SYT16: variants seen among roughly 807,000 people sequenced by gnomAD.
SYT16 encodes the protein synaptotagmin 16, also known as synaptotagmin-16.
Under a neutral mutation model 61.4 loss-of-function variants are expected in SYT16, and 42 were observed. The ratio of observed to expected loss-of-function variants is 0.68; its 90% CI spans 0.53 to 0.89. The LOEUF is 0.89. Ranked by LOEUF, SYT16 falls within the 40% of genes least tolerant of loss-of-function variation. SYT16 has a pLI of 0.00. For synonymous variants in SYT16, 314 were observed against 302.3 expected (o/e 1.04, Z -0.40); for missense variants, 804 against 807.3 (o/e 1.00, Z 0.05).
At chr14:61,915,722 T>C (rs113377892) in intron 1 of SYT16, among the ~76,000 whole-genome samples, 4 of 152,340 alleles carry the variant, frequency 2.6e-5, no homozygotes, top group African/African-American at 9.6e-5. Flanking sequence ...ATTGCTCCTG[T>C]GTGTTGGCGT....
Position 62,112,273 on chromosome 14 carries a change from A to G in SYT16, c.*11566A>G, listed in dbSNP as rs2057622021. The G allele has an allele frequency of 2.0e-5, 3 of 152,168 alleles. No individual in the cohort carries two copies. The highest frequency in any genetic ancestry group is 2.1e-4 in the South Asian group (1 of 4,826). The allele number at this position is 152,168 out of a possible 1,614,324, so 9.4% of individuals were successfully genotyped here. On this transcript the variant is annotated 3_prime_UTR_variant, in exon 8 of 8. Coordinates refer to ENST00000683842, the MANE Select transcript of SYT16 (RefSeq NM_001367656.1). ...AGAATTATACTGTTTTTCTTGTGCA[A>G]ATAATACTTAAGGCAGATGTTCAGT...
intron 5 of SYT16, among the ~76,000 whole-genome samples, chr14:62,078,548 C>A (rs1395960033): frequency 6.6e-6 from 1 of 152,164 alleles, no homozygotes; most frequent in Non-Finnish European, 1.5e-5. Context: ...TTGTTCCCTG[C>A]TTTGGGAGTG....
chr14:61,934,040 T>C (rs1203626076), intron 1 of SYT16, among the ~76,000 whole-genome samples: 7 of 152,194 alleles, frequency 4.6e-5, no homozygotes, highest in African/African-American at 1.7e-4. Flanking sequence ...TACATTCATG[T>C]ATTACTATTG....
At position 62,081,025 on chromosome 14, in the gene SYT16, G is replaced by T; in HGVS notation, c.1185G>T (p.Leu395=). 1 of 1,613,466 alleles carries T rather than the reference G, an allele frequency of 6.2e-7. No homozygotes were observed. The highest frequency in any genetic ancestry group is 8.5e-7 in the Non-Finnish European group (1 of 1,179,664). ...CCTGGCAAGTTCATGTAGTGCTGCT[G>T]CCTGGTAAGAAACACAGGGGCAGGA... The part of the protein sequence containing the change: ...VNSWQVHVVL[L]PGKKHRGRTN... Residue 395 remains leucine (L), a synonymous_variant, in exon 6 of 8, where the codon CTG becomes CTT. Coordinates refer to ENST00000683842, the MANE Select transcript of SYT16 (RefSeq NM_001367656.1).
At chr14:62,029,651 A>G (rs945366018) in intron 3 of SYT16, among the ~76,000 whole-genome samples, 2 of 152,176 alleles carry the variant, frequency 1.3e-5, no homozygotes, top group East Asian at 1.9e-4. Context: ...TTGATAAACT[A>G]TGCCCTAAAT....
rs561914206 is a variant in SYT16, at chr14:61,889,984, G to A, written c.-325+77174G>A. ...ATACAAGTTTTGATCAAAGGAGGCAGTCTTTGTCACAGCCACTGGGGACAT... is the reference window on the plus strand; with the variant it reads ...ATACAAGTTTTGATCAAAGGAGGCAATCTTTGTCACAGCCACTGGGGACAT... On this transcript the variant is annotated intron_variant, in intron 1 of 7. Coordinates refer to ENST00000683842, the MANE Select transcript of SYT16 (RefSeq NM_001367656.1). Among the ~76,000 whole-genome samples, 5 of 152,120 alleles carry A rather than the reference G, an allele frequency of 3.3e-5. No homozygotes were observed. In the East Asian group the frequency reaches 7.8e-4, roughly 24 times the overall value.
At chr14:61,863,523 A>G (rs1407717256) in intron 1 of SYT16, among the ~76,000 whole-genome samples, 1 of 152,250 alleles carries the variant, frequency 6.6e-6, no homozygotes, top group Non-Finnish European at 1.5e-5. Flanking sequence ...GTTCTTTATC[A>G]GATAGTGTTT....
chr14:61,955,747 A>G (rs79525842), intron 1 of SYT16, among the ~76,000 whole-genome samples: 2,084 of 152,158 alleles, frequency 0.014, 57 homozygotes, highest in African/African-American at 0.048. Context: ...ACTTCAATGA[A>G]CATGGGAGTG....
intron 2 of SYT16, among the ~76,000 whole-genome samples, chr14:61,972,785 A>G (rs1235486937): frequency 6.6e-6 from 1 of 152,188 alleles, no homozygotes; most frequent in African/African-American, 2.4e-5. Flanking sequence ...GTACAGACAG[A>G]CAGAGCTTAC....
In SYT16 at chr14:62,074,054, C is replaced by T. The variant is rs1211365057; in HGVS notation, c.737-1081C>T. On this transcript the variant is annotated intron_variant, in intron 4 of 7. Transcript: ENST00000683842. The stretch of plus-strand genomic sequence containing the variant: ...GTCTACATCTCTAGTTTTCTTTCAT[C>T]CTGGGATGGGGTCTGCTGGAGGAGA... Among the ~76,000 whole-genome samples, 5 of 152,248 alleles carry T rather than the reference C, an allele frequency of 3.3e-5. No individual in the cohort carries two copies. The East Asian group carries it at 7.7e-4, about 24-fold the overall frequency.
At chr14:61,965,146 A>G (rs1263734594) in intron 1 of SYT16, among the ~76,000 whole-genome samples, 2 of 152,180 alleles carry the variant, frequency 1.3e-5, no homozygotes, top group African/African-American at 2.4e-5. Context: ...CATACCTAGG[A>G]GTGGAATTGC....
At chr14:61,937,045 A>C (rs2050010095) in intron 1 of SYT16, among the ~76,000 whole-genome samples, 1 of 152,214 alleles carries the variant, frequency 6.6e-6, no homozygotes, top group African/African-American at 2.4e-5. Flanking sequence ...GCCAGCAAAA[A>C]AGACTGTGCC....
intron 1 of SYT16, among the ~76,000 whole-genome samples, chr14:61,910,895 C>T (rs1433626675): frequency 6.6e-6 from 1 of 152,172 alleles, no homozygotes; most frequent in South Asian, 2.1e-4. Flanking sequence ...AATAAACCTC[C>T]CTGCAGGGTA....
Position 62,109,293 on chromosome 14 carries a change from T to TTG in SYT16, c.*8587_*8588insGT, listed in dbSNP as rs2057564165. 6.6e-6 allele frequency: 1 copy of TTG among 152,044 alleles called. No homozygotes were observed. The highest frequency in any genetic ancestry group is 2.1e-4 in the South Asian group (1 of 4,818). The allele number at this position is 152,044 out of a possible 1,614,324, so 9.4% of individuals were successfully genotyped here. Reference sequence around the variant, plus strand: ...ATGTAGCCTTTTCAGATTGGCTTTTTTTTTTTTCACTTAGGGATAGTCATG... The same window carrying TTG: ...ATGTAGCCTTTTCAGATTGGCTTTTTTGTTTTTTTCACTTAGGGATAGTCATG... On this transcript the variant is annotated 3_prime_UTR_variant, in exon 8 of 8. Coordinates refer to ENST00000683842, the MANE Select transcript of SYT16 (RefSeq NM_001367656.1).
At chr14:62,001,360 T>G (rs1238290726) in intron 3 of SYT16, among the ~76,000 whole-genome samples, 1 of 152,150 alleles carries the variant, frequency 6.6e-6, no homozygotes, top group Non-Finnish European at 1.5e-5. Flanking sequence ...ATATTTTAGC[T>G]AGGTATAGAA....
At chr14:62,013,436 A>G (rs17099379) in intron 3 of SYT16, among the ~76,000 whole-genome samples, 8,824 of 152,252 alleles carry the variant, frequency 0.058, 270 homozygotes, top group Non-Finnish European at 0.071. Flanking sequence ...GTGGACTTAC[A>G]CATTCCTAGG....
intron 3 of SYT16, among the ~76,000 whole-genome samples, chr14:62,044,351 G>T (rs980318814): frequency 6.6e-6 from 1 of 152,022 alleles, no homozygotes; most frequent in African/African-American, 2.4e-5. Context: ...TGTTACATAG[G>T]TATACACATG....
chr14:61,956,097 C>T (rs2610536), intron 1 of SYT16, among the ~76,000 whole-genome samples: 19,913 of 151,912 alleles, frequency 0.13, 2,463 homozygotes, highest in African/African-American at 0.32. Flanking sequence ...TACATGCCAT[C>T]TTTGGAGAAA....
In SYT16 at chr14:62,107,556, T is replaced by A. The variant is rs1231592717; in HGVS notation, c.*6849T>A. 1 of 152,204 alleles carries A rather than the reference T, an allele frequency of 6.6e-6. No individual in the cohort carries two copies. The highest frequency in any genetic ancestry group is 2.4e-5 in the African/African-American group (1 of 41,450). The allele number at this position is 152,204 out of a possible 1,614,324, so 9.4% of individuals were successfully genotyped here. On this transcript the variant is annotated 3_prime_UTR_variant, in exon 8 of 8. Transcript: ENST00000683842. ...ATATTTTTTTGTTGTTTCTAAATATTCTTTTTAAAAACTAGAGTCTGATAA... is the reference window on the plus strand; with the variant it reads ...ATATTTTTTTGTTGTTTCTAAATATACTTTTTAAAAACTAGAGTCTGATAA...
Sources: gnomAD v4.1 joint callset for allele counts (sites outside exome capture counted in the v4.1 genomes callset) on GRCh38, gnomAD v4.1.1 for gene constraint, MANE v1.5 for transcripts, NCBI Gene and HGNC (gene_info 2026-07-23, HGNC 2026-07-21) for gene names.